NDUFA10: variants seen among roughly 807,000 people sequenced by gnomAD.
NDUFA10 encodes NADH dehydrogenase [ubiquinone] 1 alpha subcomplex subunit 10, mitochondrial.
NDUFA10 carries 40 observed loss-of-function variants against 47.8 expected under a neutral mutation model. The ratio of observed to expected loss-of-function variants is 0.84; its 90% CI spans 0.65 to 1.09. NDUFA10 has a LOEUF of 1.09. Ranked by LOEUF, NDUFA10 falls within the 50% of genes least tolerant of loss-of-function variation. NDUFA10 has a pLI of 0.00. For synonymous variants in NDUFA10, 183 were observed against 172.2 expected (o/e 1.06, Z -0.49); for missense variants, 413 against 451.1 (o/e 0.92, Z 0.76).
intron 9 of NDUFA10, among the ~76,000 whole-genome samples, chr2:239,989,723 C>T (rs1281020568): frequency 2.6e-5 from 4 of 152,224 alleles, no homozygotes; most frequent in African/African-American, 7.2e-5. Context: ...AGAAATGGAA[C>T]CCTCATTATT....
At chr2:240,004,968 TA>T (rs1696887765) in intron 8 of NDUFA10, among the ~76,000 whole-genome samples, 1 of 152,200 alleles carries the variant, frequency 6.6e-6, no homozygotes, top group Non-Finnish European at 1.5e-5. Flanking sequence ...CTATATCTCT[TA>T]AATCTGGAAC....
downstream of NDUFA10, among the ~76,000 whole-genome samples, chr2:239,954,882 C>T (rs1443362841): frequency 1.3e-5 from 2 of 152,218 alleles, no homozygotes; most frequent in Non-Finnish European, 2.9e-5. Context: ...TGCGTTCTCA[C>T]GGCTGCTGCA....
intron 4 of NDUFA10, among the ~76,000 whole-genome samples, chr2:239,897,157 G>A (rs150864608): frequency 1.3e-3 from 189 of 147,934 alleles, no homozygotes; most frequent in African/African-American, 4.2e-3. Context: ...TCTCAACTTC[G>A]TATCCCTTCT....
intron 4 of NDUFA10, among the ~76,000 whole-genome samples, chr2:239,946,169 A>C (rs1694449354): frequency 6.6e-6 from 1 of 152,038 alleles, no homozygotes; most frequent in Non-Finnish European, 1.5e-5. Context: ...CGCTCCTCCC[A>C]CTTGCTCCTC....
chr2:239,951,380 C>T (rs1694549302), intron 4 of NDUFA10, among the ~76,000 whole-genome samples: 1 of 152,166 alleles, frequency 6.6e-6, no homozygotes, highest in Non-Finnish European at 1.5e-5. Flanking sequence ...ACTGAGTCGT[C>T]GAAGGTGGTT....
Position 239,899,085 on chromosome 2 carries a change from TG to T in NDUFA10, c.295-3772del, listed in dbSNP as rs1693474798. 3.9e-4 allele frequency among the ~76,000 whole-genome samples: 11 copies of T among 28,402 alleles called. 3 individuals carry two copies. The highest frequency in any genetic ancestry group is 9.5e-4 in the Admixed American group (2 of 2,100). The allele number at this position is 28,402 out of a possible 152,430, so 18.6% of individuals were successfully genotyped here. Reference sequence around the variant, plus strand: ...GATGGAGGGGTGTGATGGAGGAGTGTGGAGGGGTGTGGTGGAGGGGTGTGAC... The same window carrying T: ...GATGGAGGGGTGTGATGGAGGAGTGTGAGGGGTGTGGTGGAGGGGTGTGAC... On this transcript the variant is annotated intron_variant, in intron 4 of 5. Coordinates refer to the NDUFA10 transcript ENST00000419408.
chr2:239,987,559 A>G lies in NDUFA10; in HGVS notation c.999+2515T>C, dbSNP rs562196409. Among the ~76,000 whole-genome samples the G allele has an allele frequency of 6.6e-6, 1 of 152,310 alleles. No homozygotes were observed. Among genetic ancestry groups the G allele is most frequent in the East Asian group, 1.9e-4 (1 of 5,186 alleles). On this transcript the variant is annotated intron_variant, in intron 9 of 9. Coordinates refer to ENST00000252711, the MANE Select transcript of NDUFA10 (RefSeq NM_004544.4). The surrounding 1 kb of genome is among the most constrained non-coding windows in gnomAD (Gnocchi z 4.8). ...AGTTATTTTTCTTTTTTTAGTTTGG[A>G]ACATCCCAAACTACCCAAACTAAAA...
At chr2:239,998,465 C>G (rs1449481230) in intron 8 of NDUFA10, among the ~76,000 whole-genome samples, 13 of 152,218 alleles carry the variant, frequency 8.5e-5, no homozygotes, top group Non-Finnish European at 7.3e-5. Flanking sequence ...GCCTTTCCTT[C>G]GCCACACACA....
intron 9 of NDUFA10, among the ~76,000 whole-genome samples, chr2:239,962,829 G>A (rs1232720773): frequency 3.9e-5 from 6 of 152,078 alleles, no homozygotes; most frequent in Non-Finnish European, 5.9e-5. Flanking sequence ...AGCATGAGGC[G>A]GGTAGGGGGT....
At chr2:239,996,680 TA>T in intron 8 of NDUFA10, among the ~76,000 whole-genome samples, 1 of 152,310 alleles carries the variant, frequency 6.6e-6, no homozygotes, top group East Asian at 1.9e-4. Context: ...GCATATAAAC[TA>T]TGCACACACT....
intron 4 of NDUFA10, chr2:240,017,942 A>G (rs746361495): frequency 9.2e-6 from 14 of 1,518,208 alleles, no homozygotes; most frequent in Non-Finnish European, 1.3e-5. Flanking sequence ...ACTGTCCACC[A>G]GGCCTATTCA....
intron 9 of NDUFA10, among the ~76,000 whole-genome samples, chr2:239,981,856 CTCA>C (rs1267226797): frequency 1.3e-5 from 2 of 151,696 alleles, no homozygotes; most frequent in Non-Finnish European, 2.9e-5. Flanking sequence ...TATAGAAATT[CTCA>C]TGTTAATGGC....
At position 239,945,673 on chromosome 2, in the gene NDUFA10, C is replaced by T. The variant is rs1694440520; in HGVS notation, c.294+44401G>A. Among the ~76,000 whole-genome samples, 3 of 152,344 alleles carry T rather than the reference C, an allele frequency of 2.0e-5. No homozygotes were observed. In the South Asian group the frequency reaches 6.2e-4, roughly 32 times the overall value. On this transcript the variant is annotated intron_variant, in intron 4 of 5. Transcript: ENST00000419408. The surrounding 1 kb of genome is among the most constrained non-coding windows in gnomAD (Gnocchi z 4.6). ...GGCCCTGGGATGAAAACCAGCATGT[C>T]AGAGCAGAAGCATCTCCAGAGCTTC...
chr2:239,931,514 G>A (rs1327782561), intron 4 of NDUFA10, among the ~76,000 whole-genome samples: 5 of 152,108 alleles, frequency 3.3e-5, no homozygotes, highest in Admixed American at 6.6e-5. Context: ...TCGCCACAGC[G>A]TCTTTCCACC....
At chr2:239,985,287 C>A (rs1183895200) in intron 9 of NDUFA10, among the ~76,000 whole-genome samples, 4 of 152,054 alleles carry the variant, frequency 2.6e-5, no homozygotes, top group African/African-American at 9.7e-5. Context: ...AATTAGATGA[C>A]AAAATAATAT....
At chr2:239,922,413 G>GA (rs1694004351) in intron 4 of NDUFA10, among the ~76,000 whole-genome samples, 1 of 152,192 alleles carries the variant, frequency 6.6e-6, no homozygotes, top group Admixed American at 6.5e-5. Flanking sequence ...GGGACCCCAG[G>GA]ACAGAGAGGA....
intron 4 of NDUFA10, among the ~76,000 whole-genome samples, chr2:239,941,046 T>C (rs1694351984): frequency 6.6e-6 from 1 of 152,052 alleles, no homozygotes; most frequent in East Asian, 1.9e-4. Flanking sequence ...CCAGGAAGGG[T>C]AAGCGAAACT....
At chr2:239,909,483 T>C (rs1218646892) in intron 4 of NDUFA10, among the ~76,000 whole-genome samples, 1 of 152,034 alleles carries the variant, frequency 6.6e-6, no homozygotes, top group Non-Finnish European at 1.5e-5. Context: ...CGTGGTGGCA[T>C]GTGCCTGTAA....
At chr2:240,005,481 C>T (rs563275401) in intron 7 of NDUFA10, among the ~76,000 whole-genome samples, 186 bp from the exon 8 acceptor site, 4 of 152,126 alleles carry the variant, frequency 2.6e-5, no homozygotes, top group South Asian at 2.1e-4. Context: ...CTCAGCCTCC[C>T]GAGTTGCTGG....
Sources: allele counts gnomAD v4.1 joint callset (sites outside exome capture counted in the v4.1 genomes callset), GRCh38; gene constraint gnomAD v4.1.1; non-coding constraint Gnocchi (gnomAD v3.1); transcripts MANE v1.5; gene names NCBI Gene and HGNC (gene_info 2026-07-23, HGNC 2026-07-21).